The following AKNA variants were observed in gnomAD, a reference collection of about 807,000 sequenced individuals.
The protein encoded by AKNA is microtubule organization protein AKNA.
A neutral mutation model predicts 138.8 loss-of-function variants in AKNA; 67 were observed. That is an observed-to-expected ratio of 0.48 (90% CI 0.40 to 0.59). The LOEUF (loss-of-function observed/expected upper bound fraction) is 0.59, where lower values mean the gene tolerates loss of function less well. Ranked by LOEUF, AKNA falls within the 20% of genes least tolerant of loss-of-function variation. The pLI is 0.00. For synonymous variants in AKNA, 737 were observed against 754.4 expected, an observed-to-expected ratio of 0.98 and a Z score of 0.38; for missense variants, 1,813 against 1,880.4, an observed-to-expected ratio of 0.96 and a Z score of 0.66.
chr9:114,351,356 T>G (rs1233582285), intron 14 of AKNA, among the ~76,000 whole-genome samples: 2 of 152,216 alleles, frequency 1.3e-5, no homozygotes, highest in African/African-American at 4.8e-5. Context: ...GATCACCTTC[T>G]CACCATGTTT....
In AKNA at chr9:114,336,865, G is replaced by T; in HGVS notation, c.*189C>A. 1 of 654,972 alleles carries T rather than the reference G, an allele frequency of 1.5e-6. No individual in the cohort carries two copies. Among genetic ancestry groups the T allele is most frequent in the Non-Finnish European group, 2.3e-6 (1 of 440,758 alleles). The allele number at this position is 654,972 out of a possible 1,614,324, so 40.6% of individuals were successfully genotyped here. A position where few individuals can be genotyped will look rare whatever the true frequency, so the allele number is the denominator to read the frequency against. Reference sequence around the variant, plus strand: ...GTGCTCCTGGGAAGTCACTTCTCTTGGTGACCGAGCTGACACCCCCTCCAC... The same window carrying T: ...GTGCTCCTGGGAAGTCACTTCTCTTTGTGACCGAGCTGACACCCCCTCCAC... On this transcript the variant is annotated 3_prime_UTR_variant, in exon 22 of 22. Coordinates refer to ENST00000374088, the MANE Select transcript of AKNA (RefSeq NM_001317950.2).
At chr9:114,349,149 T>C (rs1296146309) in intron 15 of AKNA, 3 of 344,968 alleles carry the variant, frequency 8.7e-6, no homozygotes, top group Non-Finnish European at 1.7e-5. Flanking sequence ...ACTCCTGAAA[T>C]GGAGAGCTCC....
In AKNA at chr9:114,334,942, G is replaced by A. The variant is rs1829935740; in HGVS notation, c.*2112C>T. 6.6e-6 allele frequency: 1 copy of A among 152,200 alleles called. No homozygotes were observed. Among genetic ancestry groups the A allele is most frequent in the Non-Finnish European group, 1.5e-5 (1 of 68,084 alleles). The allele number at this position is 152,200 out of a possible 1,614,324, so 9.4% of individuals were successfully genotyped here. ...GCACGGAGGCTGGGGACACCGAGCT[G>A]ATGTCCTCAGAAGGCAAGTGGACAG... On this transcript the variant is annotated 3_prime_UTR_variant, in exon 22 of 22. Transcript: ENST00000374088.
chr9:114,393,146 T>A lies in AKNA; in HGVS notation c.-114+1211A>T, dbSNP rs191506315. On this transcript the variant is annotated intron_variant, in intron 1 of 21. Coordinates refer to the AKNA transcript ENST00000307564. ...TAATCCAAGGAGGGAAAAATTATGA[T>A]GCCCATTTTATTTTATAGGTGAGGA... Among the ~76,000 whole-genome samples, 5 of 152,182 alleles carry A rather than the reference T, an allele frequency of 3.3e-5. No homozygotes were observed. In the East Asian group the frequency reaches 9.7e-4, roughly 29 times the overall value.
chr9:114,376,526 G>A lies in AKNA; in HGVS notation c.1281C>T (p.Thr427=), dbSNP rs770091316. 1 of 1,613,936 alleles carries A rather than the reference G, an allele frequency of 6.2e-7. No homozygotes were observed. Among genetic ancestry groups the A allele is most frequent in the African/African-American group, 1.3e-5 (1 of 74,886 alleles). The change falls in exon 3 of 22, where the codon ACC becomes ACT. Residue 427 remains threonine, a synonymous_variant. Transcript: ENST00000374088. ...GCGTCTGAAATTCTTGGGGTACCCT[G>A]GTGATAGGGTGGGCAGGAGGCGTGT... ...AKDTPPAHPI[T]RVPQEFQTPE...
upstream of AKNA, among the ~76,000 whole-genome samples, chr9:114,390,013 T>C (rs1192765558): frequency 6.6e-6 from 1 of 152,140 alleles, no homozygotes; most frequent in African/African-American, 2.4e-5. Context: ...ATGTGTGCCA[T>C]TGTGCAAGGG....
At chr9:114,364,270 G>A (rs1011091974) in intron 7 of AKNA, among the ~76,000 whole-genome samples, 13 of 151,884 alleles carry the variant, frequency 8.6e-5, no homozygotes, top group Non-Finnish European at 1.3e-4. Flanking sequence ...GGTTAAATGA[G>A]GGTGATAAAT....
Position 114,377,494 on chromosome 9 carries a change from G to A in AKNA, c.313C>T (p.His105Tyr). The change falls in exon 3 of 22, where the codon CAT (histidine) becomes TAT (tyrosine). Residue 105 changes from histidine (H) to tyrosine (Y), a missense_variant. Physicochemically the swap from His to Tyr is moderately conservative, Grantham distance 83. Transcript: ENST00000374088. Reference protein sequence around the residue: ...AEDVDSPASSHEPLAWLPQQG... With the variant: ...AEDVDSPASSYEPLAWLPQQG... ...TGGGGGAGCCAGGCAAGAGGCTCAT[G>A]GGAACTTGCTGGGCTGTCCACATCC... 1 of 1,611,684 alleles carries A rather than the reference G, an allele frequency of 6.2e-7. No homozygotes were observed. The highest frequency in any genetic ancestry group is 8.5e-7 in the Non-Finnish European group (1 of 1,178,884).
chr9:114,380,490 T>C (rs977705381), intron 2 of AKNA, among the ~76,000 whole-genome samples: 7 of 152,196 alleles, frequency 4.6e-5, no homozygotes, highest in African/African-American at 1.7e-4. Flanking sequence ...TCTACACATA[T>C]GGAAAACAGT....
chr9:114,336,909 G>T lies in AKNA; in HGVS notation c.*145C>A. On this transcript the variant is annotated 3_prime_UTR_variant, in exon 22 of 22. Coordinates refer to ENST00000374088, the MANE Select transcript of AKNA (RefSeq NM_001317950.2). Reference sequence around the variant, plus strand: ...CCTCCACTTGGAAAGCACAGGGACTGAGCAGGCGGGACCTGTGCTGGAGGG... The same window carrying T: ...CCTCCACTTGGAAAGCACAGGGACTTAGCAGGCGGGACCTGTGCTGGAGGG... The T allele has an allele frequency of 9.4e-7, 1 of 1,066,120 alleles. No individual in the cohort carries two copies. The highest frequency in any genetic ancestry group is 1.3e-6 in the Non-Finnish European group (1 of 792,350). 66.0% of individuals were successfully genotyped at this position (1,066,120 alleles called of 1,614,324 possible). A position where few individuals can be genotyped will look rare whatever the true frequency, so the allele number is the denominator to read the frequency against.
chr9:114,350,777 C>T (rs1831055313), intron 15 of AKNA, 82 bp downstream of exon 15: 2 of 1,439,052 alleles, frequency 1.4e-6, no homozygotes, highest in African/African-American at 1.4e-5. Context: ...GGCAGGTCTC[C>T]ACCTCCACCT....
intron 4 of AKNA, among the ~76,000 whole-genome samples, chr9:114,370,100 G>A (rs113154099): frequency 2.6e-5 from 4 of 152,198 alleles, no homozygotes; most frequent in African/African-American, 9.7e-5. Context: ...GGTGGAAGGG[G>A]CTCCCTGGCC....
In AKNA at chr9:114,377,366, C is replaced by T. The variant is rs201801822; in HGVS notation, c.441G>A (p.Glu147=). The T allele has an allele frequency of 5.8e-5, 94 of 1,613,870 alleles. No individual in the cohort carries two copies. In the East Asian group the frequency reaches 1.3e-3, roughly 23 times the overall value. The stretch of plus-strand genomic sequence containing the variant: ...CATGGCCTTCCAAGCTGAGACCAGC[C>T]TCATACCCCAACCTTGAGGAGCTCT... The part of the protein sequence containing the change: ...AGESSSRLGY[E]AGLSLEGHGN... Residue 147 remains glutamate, a synonymous_variant, in exon 3 of 22, where the codon GAG becomes GAA. Transcript: ENST00000374088.
chr9:114,343,609 G>T, intron 19 of AKNA, 99 bp downstream of exon 19: 1 of 1,289,238 alleles, frequency 7.8e-7, no homozygotes, highest in Non-Finnish European at 1.1e-6. Context: ...CCACTGCTAA[G>T]TTCAGGGCAG....
chr9:114,331,616 G>T (rs528015486), downstream of AKNA: 656 of 1,614,062 alleles, frequency 4.1e-4, 6 homozygotes, highest in South Asian at 7.0e-3. Context: ...GGGACACCAA[G>T]ACCTTGATGT....
At chr9:114,332,414 A>T (rs1829870106), downstream of AKNA, among the ~76,000 whole-genome samples, 1 of 151,930 alleles carries the variant, frequency 6.6e-6, no homozygotes, top group South Asian at 2.1e-4. Flanking sequence ...GCTCCTTAAC[A>T]CTTTTCTTTA....
At chr9:114,350,080 G>A (rs796523613) in intron 15 of AKNA, among the ~76,000 whole-genome samples, 3 of 152,316 alleles carry the variant, frequency 2.0e-5, no homozygotes, top group African/African-American at 7.2e-5. Flanking sequence ...AGCTTTAAGA[G>A]GCCTAGGATA....
At chr9:114,331,625 G>A (rs1829853440), downstream of AKNA, 1 of 1,614,060 alleles carries the variant, frequency 6.2e-7, no homozygotes, top group African/African-American at 1.3e-5. Flanking sequence ...AGACCTTGAT[G>A]TTTGGTTCCT....
downstream of AKNA, among the ~76,000 whole-genome samples, chr9:114,333,732 T>TA (rs1173114109): frequency 1.8e-4 from 26 of 141,622 alleles, no homozygotes; most frequent in African/African-American, 5.7e-4. Context: ...CAACTAGTCA[T>TA]AAAAAAAAAT....
Sources: allele counts gnomAD v4.1 joint callset (sites outside exome capture counted in the v4.1 genomes callset), GRCh38; gene constraint gnomAD v4.1.1; transcripts MANE v1.5; gene names NCBI Gene and HGNC (gene_info 2026-07-23, HGNC 2026-07-21).